The following JMJD1C variants were observed in gnomAD, a reference collection of about 807,000 sequenced individuals.
The protein encoded by JMJD1C is jumonji domain containing 1C.
Under a neutral mutation model 245.3 loss-of-function variants are expected in JMJD1C, and 31 were observed. That is an observed-to-expected ratio of 0.13 (90% CI 0.09 to 0.17). The LOEUF (loss-of-function observed/expected upper bound fraction) is 0.17, where lower values mean the gene tolerates loss of function less well. Ranked by LOEUF, JMJD1C falls within the 10% of genes least tolerant of loss-of-function variation. The probability of loss-of-function intolerance (pLI) is 1.00; values close to 1 mark genes in which losing one functional copy is unlikely to be tolerated. For synonymous variants in JMJD1C, 1,057 were observed against 1,017.4 expected (o/e 1.04, Z -0.74); for missense variants, 2,691 against 3,000.2 (o/e 0.90, Z 2.41).
intron 2 of JMJD1C, among the ~76,000 whole-genome samples, chr10:63,363,880 G>A (rs1340556004): frequency 7.2e-6 from 1 of 138,218 alleles, no homozygotes; most frequent in African/African-American, 2.7e-5. Context: ...TTTTGAGACA[G>A]AGTCTCACTC....
At chr10:63,189,085 T>C in intron 18 of JMJD1C, 83 bp downstream of exon 18, 2 of 1,222,058 alleles carry the variant, frequency 1.6e-6, no homozygotes, top group South Asian at 1.9e-5. Flanking sequence ...CCCCCCTCCA[T>C]TTCTATTCCT....
At chr10:63,459,073 G>A (rs189197112) in intron 1 of JMJD1C, among the ~76,000 whole-genome samples, 44 of 152,192 alleles carry the variant, frequency 2.9e-4, no homozygotes, top group African/African-American at 9.6e-4. Flanking sequence ...AAGTCCTTAC[G>A]TTATGGTAGT....
At chr10:63,211,131 A>G (rs1490145682) in intron 8 of JMJD1C, among the ~76,000 whole-genome samples, 1 of 152,216 alleles carries the variant, frequency 6.6e-6, no homozygotes, top group African/African-American at 2.4e-5. Context: ...CTTATGCAAG[A>G]TGCATCATCA....
chr10:63,360,209 C>CT (rs1945206693), intron 2 of JMJD1C, among the ~76,000 whole-genome samples: 1 of 151,984 alleles, frequency 6.6e-6, no homozygotes, highest in Admixed American at 6.6e-5. Flanking sequence ...AAGAATGATC[C>CT]TCTCACCTCA....
intron 1 of JMJD1C, among the ~76,000 whole-genome samples, chr10:63,420,949 G>T (rs1159175564): frequency 6.6e-6 from 1 of 152,060 alleles, no homozygotes; most frequent in East Asian, 1.9e-4. Flanking sequence ...AAATATTATT[G>T]AAACTGATAA....
chr10:63,301,083 T>A (rs1342269700), intron 2 of JMJD1C, among the ~76,000 whole-genome samples: 2 of 152,168 alleles, frequency 1.3e-5, no homozygotes, highest in African/African-American at 4.8e-5. Context: ...TGGCATGACC[T>A]TGGCTCACTG....
At chr10:63,224,602 CTT>C (rs1849021810) in intron 3 of JMJD1C, among the ~76,000 whole-genome samples, 1 of 152,094 alleles carries the variant, frequency 6.6e-6, no homozygotes, top group African/African-American at 2.4e-5. Flanking sequence ...TATTTACTGA[CTT>C]GAATAATTTT....
At chr10:63,190,437 C>T (rs890258848) in intron 17 of JMJD1C, among the ~76,000 whole-genome samples, 3 of 152,180 alleles carry the variant, frequency 2.0e-5, no homozygotes, top group Non-Finnish European at 4.4e-5. Context: ...CTCCTGACCT[C>T]GTGATCCAGC....
At position 63,185,590 on chromosome 10, in the gene JMJD1C, T is replaced by C. The variant is rs1395629190; in HGVS notation, c.6803A>G (p.Glu2268Gly). Reference sequence around the variant, plus strand: ...TGCTGGCATCATAGTCTTGAAGTCTTCTCCTGAAGGCCAGTCTTTCAATTT... The same window carrying C: ...TGCTGGCATCATAGTCTTGAAGTCTCCTCCTGAAGGCCAGTCTTTCAATTT... ...VLKLKDWPSG[E>G]DFKTMMPARY... Residue 2268 changes from glutamate to glycine, a missense_variant, in exon 20 of 26, where the codon GAA becomes GGA. Glu to Gly is a moderately conservative substitution (Grantham distance 98, BLOSUM62 -2). This residue lies in a region of JMJD1C where 232 missense variants were observed against 416.1 expected (regional missense o/e 0.56). Coordinates refer to ENST00000399262, the MANE Select transcript of JMJD1C (RefSeq NM_032776.3). The C allele has an allele frequency of 6.2e-7, 1 of 1,606,360 alleles. No individual in the cohort carries two copies. Among genetic ancestry groups the C allele is most frequent in the Non-Finnish European group, 8.5e-7 (1 of 1,172,938 alleles).
intron 2 of JMJD1C, among the ~76,000 whole-genome samples, chr10:63,309,417 C>CGG (rs1041635121): frequency 7.0e-5 from 9 of 128,046 alleles, no homozygotes; most frequent in Admixed American, 1.9e-4. Flanking sequence ...TCGCTTGAAC[C>CGG]GGGGGGGCAG....
At chr10:63,234,507 A>AAAAAAAAC (rs1850446864) in intron 3 of JMJD1C, among the ~76,000 whole-genome samples, 3 of 149,240 alleles carry the variant, frequency 2.0e-5, no homozygotes, top group African/African-American at 7.4e-5. Context: ...AAAAAAAAAA[A>AAAAAAAAC]AAAAAAAAAA....
chr10:63,404,408 A>G (rs1000649446), intron 1 of JMJD1C, among the ~76,000 whole-genome samples: 5 of 152,122 alleles, frequency 3.3e-5, no homozygotes, highest in African/African-American at 9.7e-5. Flanking sequence ...ACCACATGCT[A>G]ATTTTTTTTT....
At chr10:63,238,189 A>AAAAAAAAAAAAAAAAAAG in intron 3 of JMJD1C, among the ~76,000 whole-genome samples, 1 of 135,710 alleles carries the variant, frequency 7.4e-6, no homozygotes, top group Non-Finnish European at 1.6e-5. Context: ...TCAAAAAAAA[A>AAAAAAAAAAAAAAAAAAG]AAAAAAGAAA....
chr10:63,210,744 G>T (rs1847215744), intron 8 of JMJD1C, among the ~76,000 whole-genome samples: 1 of 152,180 alleles, frequency 6.6e-6, no homozygotes, highest in African/African-American at 2.4e-5. Context: ...TAGAAACCTT[G>T]AATTAATAAT....
At chr10:63,293,744 T>C (rs1859044215) in intron 2 of JMJD1C, among the ~76,000 whole-genome samples, 1 of 152,122 alleles carries the variant, frequency 6.6e-6, no homozygotes, top group African/African-American at 2.4e-5. Flanking sequence ...TATTTCTCCT[T>C]TGACTTTGAA....
At chr10:63,314,548 AACAC>A (rs71025155) in intron 2 of JMJD1C, among the ~76,000 whole-genome samples, 2 of 151,724 alleles carry the variant, frequency 1.3e-5, no homozygotes, top group African/African-American at 4.8e-5. Context: ...CCCTGTCACA[AACAC>A]ACACACACAA....
chr10:63,254,221 A>G (rs1165147418), intron 3 of JMJD1C, among the ~76,000 whole-genome samples: 9 of 152,198 alleles, frequency 5.9e-5, no homozygotes, highest in African/African-American at 2.2e-4. Context: ...AAAAAACAGC[A>G]AAACAAAACT....
intron 3 of JMJD1C, chr10:63,222,500 G>A: frequency 1.7e-6 from 2 of 1,158,368 alleles, no homozygotes; most frequent in Non-Finnish European, 2.6e-6. Context: ...ATGTGGACTT[G>A]ATTTTGACTG....
chr10:63,213,038 C>G (rs4747118), intron 8 of JMJD1C, among the ~76,000 whole-genome samples: 1 of 150,896 alleles, frequency 6.6e-6, no homozygotes, highest in African/African-American at 2.4e-5. Flanking sequence ...ATACAAAAAT[C>G]TGCCAGGCAT....
Sources: allele counts gnomAD v4.1 joint callset (sites outside exome capture counted in the v4.1 genomes callset), GRCh38; gene constraint gnomAD v4.1.1; regional missense constraint gnomAD v4.1.1; transcripts MANE v1.5; gene names NCBI Gene and HGNC (gene_info 2026-07-23, HGNC 2026-07-21).